PLEKHG1: variants seen among roughly 807,000 people sequenced by gnomAD.
The protein encoded by PLEKHG1 is pleckstrin homology domain-containing family G member 1.
Under a neutral mutation model 100.8 loss-of-function variants are expected in PLEKHG1, and 44 were observed. The ratio of observed to expected loss-of-function variants is 0.44; its 90% CI spans 0.34 to 0.56. PLEKHG1 has a LOEUF of 0.56. Ranked by LOEUF, PLEKHG1 falls within the 20% of genes least tolerant of loss-of-function variation. The probability of loss-of-function intolerance (pLI) is 0.01; values close to 1 mark genes in which losing one functional copy is unlikely to be tolerated. For missense variants in PLEKHG1, 1,545 were observed against 1,720.9 expected, an observed-to-expected ratio of 0.90 and a Z score of 1.81; for synonymous variants, 640 against 662.5, an observed-to-expected ratio of 0.97 and a Z score of 0.52.
At chr6:150,789,228 T>A (rs1785819839) in intron 4 of PLEKHG1, among the ~76,000 whole-genome samples, 1 of 152,192 alleles carries the variant, frequency 6.6e-6, no homozygotes, top group Admixed American at 6.5e-5. Context: ...TTCTATGTCA[T>A]CTCTGATTAC....
intron 1 of PLEKHG1, among the ~76,000 whole-genome samples, chr6:150,608,447 C>T (rs1776691692): frequency 6.6e-6 from 1 of 152,134 alleles, no homozygotes; most frequent in Admixed American, 6.5e-5. Context: ...GGTATTTATT[C>T]TTCTTACAGA....
chr6:150,736,625 C>T lies in PLEKHG1; in HGVS notation c.411+2533C>T, dbSNP rs188467623. 2.5e-3 allele frequency among the ~76,000 whole-genome samples: 382 copies of T among 152,122 alleles called. 6 individuals carry two copies. The highest frequency in any genetic ancestry group is 9.2e-3 in the Admixed American group (141 of 15,280). ...CTCTACTAAAAATACAAAAATTAGC[C>T]GGGCATGGTGGTGCATGCCTATAAT... is the stretch of plus-strand genomic sequence containing the variant. On this transcript the variant is annotated intron_variant, in intron 2 of 15. Coordinates refer to ENST00000358517, the Ensembl canonical transcript of PLEKHG1.
chr6:150,770,035 T>C (rs919437495), intron 3 of PLEKHG1, among the ~76,000 whole-genome samples: 2 of 152,114 alleles, frequency 1.3e-5, no homozygotes, highest in Non-Finnish European at 2.9e-5. Context: ...AGAATGGAAA[T>C]AATAGGAAAA....
intron 3 of PLEKHG1, among the ~76,000 whole-genome samples, chr6:150,674,722 G>A (rs200620879): frequency 9.1e-5 from 11 of 120,720 alleles, no homozygotes; most frequent in Non-Finnish European, 1.4e-4. Context: ...TCGCTCTGTC[G>A]CTCAGGATGG....
At chr6:150,647,727 G>A (rs962412670) in intron 2 of PLEKHG1, among the ~76,000 whole-genome samples, 1 of 152,046 alleles carries the variant, frequency 6.6e-6, no homozygotes, top group African/African-American at 2.4e-5. Flanking sequence ...ATTCTAATTG[G>A]ATTTTATGTC....
At chr6:150,720,199 G>A (rs1781608180), upstream of PLEKHG1, among the ~76,000 whole-genome samples, 1 of 152,106 alleles carries the variant, frequency 6.6e-6, no homozygotes, top group Non-Finnish European at 1.5e-5. Context: ...TAGCATTTTT[G>A]TGCTTCTGGA....
At chr6:150,723,214 C>G (rs186132841) in intron 1 of PLEKHG1, among the ~76,000 whole-genome samples, 8 of 136,246 alleles carry the variant, frequency 5.9e-5, no homozygotes, top group Admixed American at 1.6e-4. Flanking sequence ...TACAAGGAAA[C>G]CAGAGATGCA....
At chr6:150,776,018 G>T (rs2128644453) in intron 3 of PLEKHG1, among the ~76,000 whole-genome samples, 1 of 152,230 alleles carries the variant, frequency 6.6e-6, no homozygotes. Context: ...AAGGGGAGGG[G>T]CCGCATCCTC....
At chr6:150,732,487 G>A (rs1014828271) in intron 1 of PLEKHG1, among the ~76,000 whole-genome samples, 1 of 152,206 alleles carries the variant, frequency 6.6e-6, no homozygotes, top group Non-Finnish European at 1.5e-5. Context: ...GGCACATTCT[G>A]AGACATGTTG....
intron 3 of PLEKHG1, among the ~76,000 whole-genome samples, chr6:150,708,677 T>A (rs896607762): frequency 6.6e-6 from 1 of 152,222 alleles, no homozygotes; most frequent in East Asian, 1.9e-4. Context: ...CCTTGAATAA[T>A]TCAGAACTAA....
intron 3 of PLEKHG1, among the ~76,000 whole-genome samples, chr6:150,658,821 C>T (rs1045766054): frequency 6.6e-6 from 1 of 152,232 alleles, no homozygotes; most frequent in Non-Finnish European, 1.5e-5. Context: ...CCAGCTGTCT[C>T]ATCTCTGCTT....
intron 3 of PLEKHG1, among the ~76,000 whole-genome samples, chr6:150,777,478 G>C (rs1208015110): frequency 6.8e-6 from 1 of 147,508 alleles, no homozygotes; most frequent in African/African-American, 2.5e-5. Context: ...TGCAATCCTG[G>C]TGCACATGTG....
rs376476388 is a variant in PLEKHG1, at chr6:150,831,288, C to T, written c.2177C>T (p.Ala726Val). The T allele has an allele frequency of 6.2e-7, 1 of 1,613,982 alleles. No homozygotes were observed. The highest frequency in any genetic ancestry group is 1.3e-5 in the African/African-American group (1 of 74,922). ...GATGGCACCCTCTCAGGTGGAGAGGCATCCAGCCAAAGCACGCATGAACTC... is the reference window on the plus strand; with the variant it reads ...GATGGCACCCTCTCAGGTGGAGAGGTATCCAGCCAAAGCACGCATGAACTC... The change falls in exon 15 of 16, where the codon GCA becomes GTA. Residue 726 changes from alanine to valine, a missense_variant. Ala to Val is a moderately conservative substitution (Grantham distance 64). Transcript: ENST00000358517. This position sits in a 1 kb window ranked among gnomAD's most constrained non-coding sequence, Gnocchi z 4.1.
chr6:150,793,204 G>A (rs866406352), intron 4 of PLEKHG1, among the ~76,000 whole-genome samples: 2 of 152,248 alleles, frequency 1.3e-5, no homozygotes, highest in South Asian at 2.1e-4. Context: ...AGAAGTTTGA[G>A]ACCAGACTGG....
intron 3 of PLEKHG1, among the ~76,000 whole-genome samples, chr6:150,703,153 A>G (rs1243371350): frequency 6.7e-6 from 1 of 149,366 alleles, no homozygotes; most frequent in African/African-American, 2.5e-5. Context: ...CCTCATAATA[A>G]AGAAAATCAT....
intron 1 of PLEKHG1, among the ~76,000 whole-genome samples, chr6:150,602,287 A>C (rs1417957737): frequency 3.3e-5 from 5 of 152,140 alleles, no homozygotes; most frequent in Non-Finnish European, 7.3e-5. Flanking sequence ...AGCAGTTGTC[A>C]TCTTTTAATC....
intron 3 of PLEKHG1, among the ~76,000 whole-genome samples, chr6:150,781,616 G>A (rs1304828697): frequency 2.0e-5 from 3 of 151,612 alleles, no homozygotes; most frequent in Non-Finnish European, 4.4e-5. Context: ...TTTTTTAAAC[G>A]GGAAAAGAGT....
chr6:150,825,407 T>C (rs1289640107), intron 14 of PLEKHG1, among the ~76,000 whole-genome samples: 3 of 151,744 alleles, frequency 2.0e-5, no homozygotes, highest in Non-Finnish European at 4.4e-5. Context: ...CAAAACCCCC[T>C]CTCTACAAAA....
In PLEKHG1 at chr6:150,600,017, G is replaced by A. The variant is rs1582875930; in HGVS notation, c.-204G>A. 1 of 235,338 alleles carries A rather than the reference G, an allele frequency of 4.2e-6. No homozygotes were observed. The highest frequency in any genetic ancestry group is 9.1e-6 in the Non-Finnish European group (1 of 109,508). 14.6% of individuals were successfully genotyped at this position (235,338 alleles called of 1,614,324 possible). A position where few individuals can be genotyped will look rare whatever the true frequency, so the allele number is the denominator to read the frequency against. On this transcript the variant is annotated splice_region_variant and 5_prime_UTR_variant, in exon 1 of 4. Transcript: ENST00000367326. This position sits in a 1 kb window ranked among gnomAD's most constrained non-coding sequence, Gnocchi z 6.2. Reference sequence around the variant, plus strand: ...GGGCATGCGAAGCCGTCCCTCCCCGGGTAAGCGCCGGTCGGGCCCGGACGC... The same window carrying A: ...GGGCATGCGAAGCCGTCCCTCCCCGAGTAAGCGCCGGTCGGGCCCGGACGC...
Sources: allele counts gnomAD v4.1 joint callset (sites outside exome capture counted in the v4.1 genomes callset), GRCh38; gene constraint gnomAD v4.1.1; non-coding constraint Gnocchi (gnomAD v3.1); transcripts MANE v1.5; gene names NCBI Gene and HGNC (gene_info 2026-07-23, HGNC 2026-07-21).